The following DIAPH2 variants were observed in gnomAD, a reference collection of about 807,000 sequenced individuals.
The protein encoded by DIAPH2 is diaphanous related formin 2.
DIAPH2 carries 35 observed loss-of-function variants against 92.7 expected under a neutral mutation model. The ratio of observed to expected loss-of-function variants is 0.38; its 90% CI spans 0.29 to 0.50. The LOEUF (loss-of-function observed/expected upper bound fraction) is 0.50, where lower values mean the gene tolerates loss of function less well. Ranked by LOEUF, DIAPH2 falls within the 20% of genes least tolerant of loss-of-function variation. DIAPH2 has a pLI of 0.94. For missense variants in DIAPH2, 701 were observed against 819.5 expected (o/e 0.86, Z 1.77); for synonymous variants, 301 against 280.4 (o/e 1.07, Z -0.73).
intron 23 of DIAPH2, among the ~76,000 whole-genome samples, chrX:97,301,937 G>A (rs941988011): frequency 2.2e-4 from 25 of 111,197 alleles, no homozygotes; most frequent in African/African-American, 7.6e-4. Flanking sequence ...GGATATGGCC[G>A]AGCACAGTGG....
At chrX:97,224,387 T>C (rs2067949346) in intron 22 of DIAPH2, among the ~76,000 whole-genome samples, 2 of 112,153 alleles carry the variant, frequency 1.8e-5, no homozygotes, top group Middle Eastern at 4.6e-3. Context: ...AATAAACCAC[T>C]TTCTGCCTCT....
intron 4 of DIAPH2, among the ~76,000 whole-genome samples, chrX:96,768,616 C>T (rs1195496369): frequency 9.0e-6 from 1 of 111,408 alleles, no homozygotes; most frequent in Non-Finnish European, 1.9e-5. Context: ...TAGGCGAGCT[C>T]TTTGGGCAAA....
chrX:96,916,791 T>C (rs2065507517), intron 8 of DIAPH2, among the ~76,000 whole-genome samples: 1 of 111,347 alleles, frequency 9.0e-6, no homozygotes, highest in African/African-American at 3.3e-5. Flanking sequence ...TGGGAAATTC[T>C]TGAAAGTTGG....
At chrX:97,097,710 C>T (rs916042097) in intron 19 of DIAPH2, among the ~76,000 whole-genome samples, 4 of 111,418 alleles carry the variant, frequency 3.6e-5, no homozygotes, top group African/African-American at 1.3e-4. Flanking sequence ...TTTAGTTTCA[C>T]TGTGGTGAAA....
At chrX:97,375,479 CA>C (rs765841247) in intron 24 of DIAPH2, among the ~76,000 whole-genome samples, 1 of 109,964 alleles carries the variant, frequency 9.1e-6, no homozygotes, top group Admixed American at 9.7e-5. Context: ...AACAAACAAA[CA>C]AAAAAAACTG....
At chrX:97,334,234 G>A (rs1282368416) in intron 23 of DIAPH2, among the ~76,000 whole-genome samples, 2 of 109,561 alleles carry the variant, frequency 1.8e-5, no homozygotes, top group Non-Finnish European at 3.8e-5. Flanking sequence ...AGGCCGAGGC[G>A]GGCGGATCAC....
intron 22 of DIAPH2, among the ~76,000 whole-genome samples, chrX:97,189,795 C>T (rs1260151667): frequency 1.8e-5 from 2 of 112,531 alleles, no homozygotes; most frequent in African/African-American, 6.4e-5. Context: ...GAGTTACCTG[C>T]CTCTGAAGGG....
intron 24 of DIAPH2, among the ~76,000 whole-genome samples, chrX:97,363,182 C>T (rs932464511): frequency 1.8e-5 from 2 of 112,024 alleles, no homozygotes; most frequent in African/African-American, 6.5e-5. Context: ...AGAAGCCCGG[C>T]ATATTGTCTA....
chrX:97,480,613 T>C (rs2147815936), intron 26 of DIAPH2, among the ~76,000 whole-genome samples: 1 of 111,519 alleles, frequency 9.0e-6, no homozygotes, highest in Non-Finnish European at 1.9e-5. Flanking sequence ...TTTTATAAAA[T>C]ATAAATCTAG....
chrX:96,688,740 A>G (rs921389480), intron 1 of DIAPH2, among the ~76,000 whole-genome samples: 8 of 112,440 alleles, frequency 7.1e-5, no homozygotes, highest in African/African-American at 2.6e-4. Flanking sequence ...GGTTGGTGAT[A>G]CAAAGATACT....
chrX:96,761,663 G>T (rs1311360166), intron 4 of DIAPH2, among the ~76,000 whole-genome samples: 1 of 111,360 alleles, frequency 9.0e-6, no homozygotes, highest in East Asian at 2.8e-4. Context: ...CAATGCAAAT[G>T]AATCATTAAA....
intron 26 of DIAPH2, among the ~76,000 whole-genome samples, chrX:97,483,399 A>AAG (rs34255874): frequency 0.41 from 43,640 of 106,678 alleles, 8,192 homozygotes; most frequent in Non-Finnish European, 0.56. Flanking sequence ...AAGGGGGCAA[A>AAG]AGAGAGAGAG....
At chrX:97,104,777 T>G (rs1015757383) in intron 20 of DIAPH2, among the ~76,000 whole-genome samples, 1 of 111,534 alleles carries the variant, frequency 9.0e-6, no homozygotes, top group Non-Finnish European at 1.9e-5. Context: ...ATCTCATCAG[T>G]TAGGGGTGTA....
chrX:97,539,862 C>G (rs1466686957), intron 26 of DIAPH2, among the ~76,000 whole-genome samples: 1 of 111,501 alleles, frequency 9.0e-6, no homozygotes, highest in Non-Finnish European at 1.9e-5. Flanking sequence ...AAAAAATACA[C>G]AAATTTATAC....
At chrX:97,416,623 C>T (rs896536155) in intron 25 of DIAPH2, among the ~76,000 whole-genome samples, 1 of 111,705 alleles carries the variant, frequency 9.0e-6, no homozygotes, top group Non-Finnish European at 1.9e-5. Context: ...ATACTAAAGT[C>T]GTAACATTAA....
intron 26 of DIAPH2, among the ~76,000 whole-genome samples, chrX:97,497,231 G>A (rs2070765151): frequency 9.0e-6 from 1 of 110,960 alleles, no homozygotes; most frequent in African/African-American, 3.3e-5. Flanking sequence ...ATTTGGCCAG[G>A]ACCAAATAAG....
Position 97,523,464 on chromosome X carries a change from G to T in DIAPH2, c.3242-75789G>T, listed in dbSNP as rs757348839. On this transcript the variant is annotated intron_variant, in intron 26 of 26. Coordinates refer to ENST00000324765, the MANE Select transcript of DIAPH2 (RefSeq NM_006729.5). The stretch of plus-strand genomic sequence containing the variant: ...CTATTTTATTTAAGTGGTTATCTTT[G>T]TCCTTTGGAATTCCAATCAGCCAAA... Among the ~76,000 whole-genome samples the T allele has an allele frequency of 6.3e-5, 7 of 111,506 alleles. No homozygotes were observed. The East Asian group carries it at 2.0e-3, about 31-fold the overall frequency.
intron 26 of DIAPH2, among the ~76,000 whole-genome samples, chrX:97,566,532 C>A (rs773218648): frequency 9.0e-6 from 1 of 111,575 alleles, no homozygotes; most frequent in South Asian, 3.8e-4. Flanking sequence ...CAACAACTGA[C>A]AGCAAATTTG....
Position 96,912,352 on chromosome X carries a change from A to T in DIAPH2, c.612A>T (p.Glu204Asp). 1 of 1,201,730 alleles carries T rather than the reference A, an allele frequency of 8.3e-7. No individual in the cohort carries two copies. The highest frequency in any genetic ancestry group is 1.1e-6 in the Non-Finnish European group (1 of 889,863). Reference protein sequence around the residue: ...PVSWVNNFGHEGLGLLLDELE... With the variant: ...PVSWVNNFGHDGLGLLLDELE... Reference sequence around the variant, plus strand: ...GCTGGGTTAACAACTTTGGCCATGAAGGTCTTGGACTCTTATTGGATGAGC... The same window carrying T: ...GCTGGGTTAACAACTTTGGCCATGATGGTCTTGGACTCTTATTGGATGAGC... The change falls in exon 6 of 27, where the codon GAA becomes GAT. Residue 204 changes from glutamate (E) to aspartate (D), a missense_variant. Physicochemically the swap from Glu to Asp is conservative, Grantham distance 45. Coordinates refer to ENST00000324765, the MANE Select transcript of DIAPH2 (RefSeq NM_006729.5).
Sources: gnomAD v4.1 joint callset for allele counts (sites outside exome capture counted in the v4.1 genomes callset) on GRCh38, gnomAD v4.1.1 for gene constraint, MANE v1.5 for transcripts, NCBI Gene and HGNC (gene_info 2026-07-23, HGNC 2026-07-21) for gene names.